Variants in LRRN1 observed in about 807,000 individuals in gnomAD.
LRRN1 encodes leucine rich repeat neuronal 1.
A neutral mutation model predicts 45.8 loss-of-function variants in LRRN1; 14 were observed. That is an observed-to-expected ratio of 0.31 (90% confidence interval 0.20 to 0.48). The LOEUF (loss-of-function observed/expected upper bound fraction) is 0.48, where lower values mean the gene tolerates loss of function less well. Ranked by LOEUF, LRRN1 falls within the 20% of genes least tolerant of loss-of-function variation. LRRN1 has a pLI of 0.99. For missense variants in LRRN1, 789 were observed against 874.2 expected (o/e 0.90, Z 1.23); for synonymous variants, 359 against 330.1 (o/e 1.09, Z -0.95).
At chr3:3,841,381 G>T (rs1486732422) in intron 1 of LRRN1, among the ~76,000 whole-genome samples, 1 of 151,768 alleles carries the variant, frequency 6.6e-6, no homozygotes, top group Non-Finnish European at 1.5e-5. Context: ...TTATGACTGA[G>T]AAATAACCTG....
intron 1 of LRRN1, among the ~76,000 whole-genome samples, chr3:3,841,954 C>T (rs568260101): frequency 6.6e-5 from 10 of 152,202 alleles, no homozygotes; most frequent in African/African-American, 2.2e-4. Context: ...TAGGTGATTC[C>T]GTCATTGTGC....
At chr3:3,832,174 C>T (rs1230609413) in intron 1 of LRRN1, among the ~76,000 whole-genome samples, 1 of 152,188 alleles carries the variant, frequency 6.6e-6, no homozygotes, top group Non-Finnish European at 1.5e-5. Flanking sequence ...GAATCACTAC[C>T]CCTCCGTCTT....
At chr3:3,843,572 C>A (rs183946301) in intron 1 of LRRN1, among the ~76,000 whole-genome samples, 1 of 151,316 alleles carries the variant, frequency 6.6e-6, no homozygotes, top group Non-Finnish European at 1.5e-5. Context: ...CCACTGTACC[C>A]CCCCCCATAC....
intron 1 of LRRN1, among the ~76,000 whole-genome samples, chr3:3,807,568 G>A (rs970002316): frequency 6.6e-6 from 1 of 152,112 alleles, no homozygotes; most frequent in Non-Finnish European, 1.5e-5. Flanking sequence ...TTCCCTCAAG[G>A]TCTTATTTCT....
intron 1 of LRRN1, among the ~76,000 whole-genome samples, chr3:3,833,372 T>C (rs2106465011): frequency 6.6e-6 from 1 of 152,306 alleles, no homozygotes; most frequent in Non-Finnish European, 1.5e-5. Context: ...CTTTTCAACT[T>C]CCTGAGCTGC....
intron 1 of LRRN1, among the ~76,000 whole-genome samples, chr3:3,841,929 T>C (rs1312181625): frequency 6.6e-6 from 1 of 152,206 alleles, no homozygotes; most frequent in Non-Finnish European, 1.5e-5. Flanking sequence ...GGATGTGTTC[T>C]GAGAAATGTG....
chr3:3,827,083 G>A (rs1693234271), intron 1 of LRRN1, among the ~76,000 whole-genome samples: 1 of 152,162 alleles, frequency 6.6e-6, no homozygotes, highest in Non-Finnish European at 1.5e-5. Context: ...AATAATAGTA[G>A]CTAACATCTA....
chr3:3,840,514 T>A (rs930573397), intron 1 of LRRN1, among the ~76,000 whole-genome samples: 6 of 152,216 alleles, frequency 3.9e-5, no homozygotes, highest in Non-Finnish European at 8.8e-5. Context: ...ATAAAGTTGT[T>A]CTATGTATAA....
In LRRN1 at chr3:3,849,160, C is replaced by G. The variant is rs566292448; in HGVS notation, c.*2368C>G. On this transcript the variant is annotated 3_prime_UTR_variant, in exon 2 of 2. Coordinates refer to ENST00000319331, the MANE Select transcript of LRRN1 (RefSeq NM_020873.7). The stretch of plus-strand genomic sequence containing the variant: ...AATTGCAAATCTGCGAGGTTTCATT[C>G]GGCCCATAAAGCAAACATTTGAACT... Among the ~76,000 whole-genome samples, 9 of 152,252 alleles carry G rather than the reference C, an allele frequency of 5.9e-5. No homozygotes were observed. The South Asian group carries it at 1.9e-3, about 32-fold the overall frequency.
In LRRN1 at chr3:3,847,768, G is replaced by A. The variant is rs1048401394; in HGVS notation, c.*976G>A. 1.2e-5 allele frequency: 2 copies of A among 166,524 alleles called. No homozygotes were observed. Among genetic ancestry groups the A allele is most frequent in the East Asian group, 3.8e-4 (2 of 5,196 alleles). The allele number at this position is 166,524 out of a possible 1,614,324, so 10.3% of individuals were successfully genotyped here. On this transcript the variant is annotated 3_prime_UTR_variant, in exon 2 of 2. Transcript: ENST00000319331. ...AAAGGTTTTAATTCTTTTTCTAAGG[G>A]AAGAAATGTCTATTTTAATTAAGAT...
Position 3,841,290 on chromosome 3 carries a change from C to CAAAAAA in LRRN1, c.-278-3061_-278-3056dup, listed in dbSNP as rs60477471. On this transcript the variant is annotated intron_variant, in intron 1 of 1. Transcript: ENST00000319331. ...TGGGCGACAGAGCGAGACTTTGTCT[C>CAAAAAA]AAAAAAAAAAAAAAAAAATTAGTTG... Among the ~76,000 whole-genome samples the CAAAAAA allele has an allele frequency of 1.8e-3, 226 of 123,188 alleles. 1 individual carries two copies. Among genetic ancestry groups the CAAAAAA allele is most frequent in the African/African-American group, 6.9e-3 (219 of 31,784 alleles). The allele number at this position is 123,188 out of a possible 152,430, so 80.8% of individuals were successfully genotyped here.
chr3:3,817,819 GT>G (rs1282081702), intron 1 of LRRN1, among the ~76,000 whole-genome samples: 2 of 152,096 alleles, frequency 1.3e-5, no homozygotes, highest in Non-Finnish European at 2.9e-5. Flanking sequence ...TGCAATAAAT[GT>G]TCTGAAATGA....
intron 1 of LRRN1, among the ~76,000 whole-genome samples, chr3:3,811,990 C>T (rs907951827): frequency 1.3e-5 from 2 of 152,212 alleles, no homozygotes; most frequent in Admixed American, 1.3e-4. Flanking sequence ...ACCGCAAACT[C>T]ATCTGTAGAA....
chr3:3,846,462 G>A lies in LRRN1; in HGVS notation c.1821G>A (p.Lys607=). Residue 607 remains lysine, a synonymous_variant, in exon 2 of 2, where the codon AAG becomes AAA. Transcript: ENST00000319331. The surrounding 1 kb of genome is among the most constrained non-coding windows in gnomAD (Gnocchi z 5.7). ...CCAATATTCATCAGCAGACTCAAAA[G>A]TCATGCGTAAATGTCACAACCAAAA... ...TVSNIHQQTQ[K]SCVNVTTKNA... 2 of 1,614,134 alleles carry A rather than the reference G, an allele frequency of 1.2e-6. No individual in the cohort carries two copies. Among genetic ancestry groups the A allele is most frequent in the Middle Eastern group, 3.3e-4 (2 of 6,062 alleles).
chr3:3,848,294 A>C lies in LRRN1; in HGVS notation c.*1502A>C, dbSNP rs368964237. ...TTGGAGAATTGTTTCAAGATTATAG[A>C]GGAAACATGTAACATTTAGAGCAGA... On this transcript the variant is annotated 3_prime_UTR_variant, in exon 2 of 2. Coordinates refer to ENST00000319331, the MANE Select transcript of LRRN1 (RefSeq NM_020873.7). Among the ~76,000 whole-genome samples, 25 of 152,318 alleles carry C rather than the reference A, an allele frequency of 1.6e-4. 6 individuals are homozygous for C. Among genetic ancestry groups the C allele is most frequent in the Admixed American group, 2.6e-4 (4 of 15,304 alleles).
chr3:3,818,534 AAGTGATTTAAAC>A (rs1262627597), intron 1 of LRRN1, among the ~76,000 whole-genome samples: 3 of 152,150 alleles, frequency 2.0e-5, no homozygotes, highest in Non-Finnish European at 4.4e-5. Context: ...TTGATCTTAC[AAGTGATTTAAAC>A]AGAAAAAAAT....
chr3:3,820,675 T>C (rs1693082744), intron 1 of LRRN1, among the ~76,000 whole-genome samples: 1 of 152,254 alleles, frequency 6.6e-6, no homozygotes, highest in South Asian at 2.1e-4. Flanking sequence ...ACAGGCTTTG[T>C]TCTCGCAGGT....
At chr3:3,800,873 A>G (rs1452453979) in intron 1 of LRRN1, 1 of 152,390 alleles carries the variant, frequency 6.6e-6, no homozygotes, top group African/African-American at 2.4e-5. Flanking sequence ...CCGGGTCAGA[A>G]GCGAGGAAAG....
At chr3:3,828,225 G>A (rs146105927) in intron 1 of LRRN1, among the ~76,000 whole-genome samples, 20 of 151,388 alleles carry the variant, frequency 1.3e-4, no homozygotes, top group Non-Finnish European at 7.4e-5. Flanking sequence ...CCAATCACAA[G>A]GTCCCACAAT....
Sources: allele counts gnomAD v4.1 joint callset (sites outside exome capture counted in the v4.1 genomes callset), GRCh38; gene constraint gnomAD v4.1.1; non-coding constraint Gnocchi (gnomAD v3.1); transcripts MANE v1.5; gene names NCBI Gene and HGNC (gene_info 2026-07-23, HGNC 2026-07-21).